Variants in SFMBT2 observed in about 807,000 individuals in gnomAD.
SFMBT2 encodes Scm like with four mbt domains 2, also known as scm-like with four MBT domains protein 2.
A neutral mutation model predicts 110.1 loss-of-function variants in SFMBT2; 38 were observed. That is an observed-to-expected ratio of 0.35 (90% confidence interval 0.27 to 0.45). The LOEUF is 0.45. Ranked by LOEUF, SFMBT2 falls within the 20% of genes least tolerant of loss-of-function variation. The probability of loss-of-function intolerance (pLI) is 1.00; values close to 1 mark genes in which losing one functional copy is unlikely to be tolerated. For synonymous variants in SFMBT2, 425 were observed against 425.4 expected (o/e 1.00, Z 0.01); for missense variants, 1,011 against 1,094.9 (o/e 0.92, Z 1.08).
chr10:7,269,575 C>T (rs936408293), intron 7 of SFMBT2, among the ~76,000 whole-genome samples: 27 of 152,206 alleles, frequency 1.8e-4, no homozygotes, highest in Admixed American at 9.8e-4. Flanking sequence ...TCCATAACAA[C>T]ACGCATCTCA....
intron 15 of SFMBT2, among the ~76,000 whole-genome samples, chr10:7,190,907 T>C (rs1838578938): frequency 6.6e-6 from 1 of 152,200 alleles, no homozygotes; most frequent in South Asian, 2.1e-4. Flanking sequence ...AATTGAATTG[T>C]AGGGGTGGTT....
chr10:7,351,158 A>C (rs1268544571), intron 4 of SFMBT2, among the ~76,000 whole-genome samples: 1 of 152,210 alleles, frequency 6.6e-6, no homozygotes, highest in Non-Finnish European at 1.5e-5. Flanking sequence ...TTGTCTCTGA[A>C]TGTGGTAGGA....
intron 10 of SFMBT2, among the ~76,000 whole-genome samples, chr10:7,226,959 A>C (rs1839915695): frequency 6.6e-6 from 1 of 152,170 alleles, no homozygotes; most frequent in Non-Finnish European, 1.5e-5. Context: ...CTGATGATGC[A>C]TTTCTCAGAA....
At chr10:7,211,175 C>T (rs563894422) in intron 11 of SFMBT2, among the ~76,000 whole-genome samples, 1 of 152,080 alleles carries the variant, frequency 6.6e-6, no homozygotes, top group East Asian at 1.9e-4. Flanking sequence ...TTTTTCCTTC[C>T]TCGTTTTTAT....
intron 1 of SFMBT2, among the ~76,000 whole-genome samples, chr10:7,386,001 A>C (rs994734754): frequency 1.3e-5 from 2 of 151,950 alleles, no homozygotes; most frequent in Non-Finnish European, 2.9e-5. Context: ...GTCTCAAAAA[A>C]ACATAACAAA....
At chr10:7,384,381 G>C (rs948626573) in intron 1 of SFMBT2, among the ~76,000 whole-genome samples, 1 of 152,106 alleles carries the variant, frequency 6.6e-6, no homozygotes, top group African/African-American at 2.4e-5. Context: ...ATCTAAGGCA[G>C]GTAGTGTAAG....
At chr10:7,330,419 T>A (rs1396546630) in intron 4 of SFMBT2, among the ~76,000 whole-genome samples, 1 of 152,104 alleles carries the variant, frequency 6.6e-6, no homozygotes, top group Admixed American at 6.6e-5. Context: ...ACCGCTTTCA[T>A]CCCAGGTGGA....
Position 7,366,327 on chromosome 10 carries a change from C to G in SFMBT2, c.436+1322G>C, listed in dbSNP as rs116476486. 6.3e-3 allele frequency among the ~76,000 whole-genome samples: 962 copies of G among 151,998 alleles called. 6 individuals carry two copies. Among genetic ancestry groups the G allele is most frequent in the African/African-American group, 0.022 (922 of 41,432 alleles). ...ACATAAATGCAACTCTTAACTCCAG[C>G]CATTTTATGACCCCCTTCTTAGCAG... On this transcript the variant is annotated intron_variant, in intron 4 of 20. Transcript: ENST00000397167.
rs1051396543 is a variant in SFMBT2 at position 7,301,420 on chromosome 10, G to T, written c.437-15466C>A. Among the ~76,000 whole-genome samples the T allele has an allele frequency of 2.0e-5, 3 of 152,212 alleles. No homozygotes were observed. Among genetic ancestry groups the T allele is most frequent in the African/African-American group, 7.2e-5 (3 of 41,454 alleles). On this transcript the variant is annotated intron_variant, in intron 4 of 20. Coordinates refer to ENST00000397167, the MANE Select transcript of SFMBT2 (RefSeq NM_001387889.1). This position sits in a 1 kb window ranked among gnomAD's most constrained non-coding sequence, Gnocchi z 4.2. ...AGGAATGAAGAAAGCCCGAACTCAT[G>T]AGACAGCGGAGGAAACCCGGGAGGG...
intron 4 of SFMBT2, among the ~76,000 whole-genome samples, chr10:7,363,385 G>A (rs965544721): frequency 6.6e-6 from 1 of 150,776 alleles, no homozygotes; most frequent in Non-Finnish European, 1.5e-5. Context: ...GTCTCGCCCT[G>A]TTGCCCAGGC....
At chr10:7,332,764 TCACAG>T (rs1843602510) in intron 4 of SFMBT2, among the ~76,000 whole-genome samples, 1 of 152,248 alleles carries the variant, frequency 6.6e-6, no homozygotes, top group South Asian at 2.1e-4. Context: ...AGGTCACTAT[TCACAG>T]CACAGCACTG....
At position 7,188,649 on chromosome 10, in the gene SFMBT2, A is replaced by T; in HGVS notation, c.1783T>A (p.Phe595Ile). 6.2e-7 allele frequency: 1 copy of T among 1,613,714 alleles called. No homozygotes were observed. The highest frequency in any genetic ancestry group is 8.5e-7 in the Non-Finnish European group (1 of 1,179,764). The change falls in exon 16 of 21, where the codon TTC becomes ATC. Residue 595 changes from phenylalanine (F) to isoleucine (I), a missense_variant. Phe to Ile is a conservative substitution (Grantham distance 21). Around this residue, in one of 2 missense-constraint regions of SFMBT2, gnomAD observed 979 missense variants for 1,016.1 expected, o/e 0.96. Coordinates refer to ENST00000397167, the MANE Select transcript of SFMBT2 (RefSeq NM_001387889.1). ...LQLVEDPHWN[F>I]QEETLKAKYR... The stretch of plus-strand genomic sequence containing the variant: ...TTGGCCTTCAGCGTCTCTTCCTGGA[A>T]ATTCCAGTGGGGATCTTCTACCAGC...
chr10:7,248,906 G>T, intron 7 of SFMBT2: 1 of 167,978 alleles, frequency 6.0e-6, no homozygotes, highest in Non-Finnish European at 1.2e-5. Flanking sequence ...AAGTTCACAT[G>T]ACACTGCTTT....
intron 11 of SFMBT2, chr10:7,206,260 A>C: frequency 1.0e-6 from 1 of 985,404 alleles, no homozygotes; most frequent in Non-Finnish European, 1.2e-6. Flanking sequence ...GATTGGCTGA[A>C]AGAGAGAACA....
chr10:7,375,405 C>T (rs558656328), intron 2 of SFMBT2, among the ~76,000 whole-genome samples: 1 of 152,024 alleles, frequency 6.6e-6, no homozygotes, highest in Admixed American at 6.6e-5. Context: ...ATAAAGGAAC[C>T]GGGAATTGGC....
chr10:7,236,147 C>G (rs987006959), intron 9 of SFMBT2, among the ~76,000 whole-genome samples: 4 of 151,992 alleles, frequency 2.6e-5, no homozygotes, highest in African/African-American at 9.7e-5. Flanking sequence ...CCATTCACCA[C>G]AGCAAGCAGA....
intron 12 of SFMBT2, chr10:7,204,842 C>T: frequency 3.0e-6 from 2 of 674,270 alleles, no homozygotes; most frequent in South Asian, 6.7e-5. Context: ...CATTGCACTC[C>T]AGCCTGGGCA....
intron 15 of SFMBT2, among the ~76,000 whole-genome samples, chr10:7,192,773 G>A (rs1838638608): frequency 6.6e-6 from 1 of 152,312 alleles, no homozygotes; most frequent in East Asian, 1.9e-4. Context: ...GGGGGTCGGA[G>A]GTCACATCAC....
chr10:7,320,839 T>C (rs1268273995), intron 4 of SFMBT2, among the ~76,000 whole-genome samples: 1 of 152,182 alleles, frequency 6.6e-6, no homozygotes, highest in Admixed American at 6.5e-5. Flanking sequence ...ACTGACTCTG[T>C]AGCTCTAAAC....
Sources: gnomAD v4.1 joint callset for allele counts (sites outside exome capture counted in the v4.1 genomes callset) on GRCh38, gnomAD v4.1.1 for gene constraint, gnomAD v4.1.1 regional missense constraint, Gnocchi (gnomAD v3.1) non-coding constraint, MANE v1.5 for transcripts, NCBI Gene and HGNC (gene_info 2026-07-23, HGNC 2026-07-21) for gene names.